The following SLC27A1 variants were observed in gnomAD, a reference collection of about 807,000 sequenced individuals.
The protein encoded by SLC27A1 is long-chain fatty acid transport protein 1.
A neutral mutation model predicts 62.2 loss-of-function variants in SLC27A1; 61 were observed. The ratio of observed to expected loss-of-function variants is 0.98; its 90% CI spans 0.80 to 1.21. The LOEUF is 1.21. SLC27A1 is among the 50% of genes most tolerant of loss of function. SLC27A1 has a pLI of 0.00. For missense variants in SLC27A1, 903 were observed against 932.1 expected (o/e 0.97, Z 0.41); for synonymous variants, 435 against 408.6 (o/e 1.06, Z -0.78).
chr19:17,487,454 C>A lies in SLC27A1; in HGVS notation c.725-6C>A. The A allele has an allele frequency of 6.2e-7, 1 of 1,607,372 alleles. No individual in the cohort carries two copies. The highest frequency in any genetic ancestry group is 1.1e-5 in the South Asian group (1 of 90,478). On this transcript the variant is annotated splice_region_variant and splice_polypyrimidine_tract_variant and intron_variant, in intron 3 of 11. Transcript: ENST00000252595. ...GCCCCACCCCTAACACCTGTATCTC[C>A]TGCAGATCGTCTTTTCTACATCTAC...
Position 17,501,403 on chromosome 19 carries a change from C to T in SLC27A1, c.1767C>T (p.Pro589=), listed in dbSNP as rs1216761587. ...GGCCCATCTTCCTGCGCCTCCTGCC[C>T]CAGGTGGACACCACAGGTGCGAGTC... ...YARPIFLRLL[P]QVDTTGTFKI... is the part of the protein sequence containing the mutation. Residue 589 remains proline, a synonymous_variant, in exon 11 of 12, where the codon CCC becomes CCT. Coordinates refer to ENST00000252595, the MANE Select transcript of SLC27A1 (RefSeq NM_198580.3). The T allele has an allele frequency of 1.2e-6, 2 of 1,613,406 alleles. No individual in the cohort carries two copies. The highest frequency in any genetic ancestry group is 1.7e-6 in the Non-Finnish European group (2 of 1,179,840).
intron 7 of SLC27A1, 111 bp from the exon 8 acceptor site, chr19:17,500,167 G>A (rs2075393684): frequency 6.7e-7 from 1 of 1,499,720 alleles, no homozygotes; most frequent in Admixed American, 2.2e-5. Context: ...ACAGAGCTTA[G>A]AATGACACTG....
intron 7 of SLC27A1, chr19:17,499,487 A>G (rs2075385763): frequency 6.6e-6 from 1 of 152,032 alleles, no homozygotes; most frequent in African/African-American, 2.4e-5. Context: ...TTATACTGGA[A>G]TGGCTCGTGC....
At chr19:17,482,256 C>T (rs140491184) in intron 1 of SLC27A1, among the ~76,000 whole-genome samples, 2,924 of 152,234 alleles carry the variant, frequency 0.019, 82 homozygotes, top group African/African-American at 0.062. Context: ...CAGTGGCTAA[C>T]GCCTGTAATC....
In SLC27A1 at chr19:17,505,409, G is replaced by A. The variant is rs2075468642; in HGVS notation, c.*797G>A. 1 of 156,362 alleles carries A rather than the reference G, an allele frequency of 6.4e-6. No individual in the cohort carries two copies. The highest frequency in any genetic ancestry group is 2.4e-5 in the African/African-American group (1 of 41,462). 9.7% of individuals were successfully genotyped at this position (156,362 alleles called of 1,614,324 possible). ...TGGGTTCCAGATGCTGCAGCTCCAT[G>A]TGACTTCCAAGCAGGCCCTCCGCCC... On this transcript the variant is annotated 3_prime_UTR_variant, in exon 12 of 12. Coordinates refer to ENST00000252595, the MANE Select transcript of SLC27A1 (RefSeq NM_198580.3).
At position 17,504,691 on chromosome 19, in the gene SLC27A1, G is replaced by A. The variant is rs1456212292; in HGVS notation, c.*79G>A. ...AGCCAGACAGCGCTGCCCAGGGGTG[G>A]CCGCCTAGTACACACCCACCTGGCC... is the stretch of plus-strand genomic sequence containing the variant. On this transcript the variant is annotated 3_prime_UTR_variant, in exon 12 of 12. Transcript: ENST00000252595. 1.3e-6 allele frequency: 2 copies of A among 1,576,740 alleles called. No homozygotes were observed. The highest frequency in any genetic ancestry group is 1.4e-5 in the African/African-American group (1 of 74,028).
rs1346344950 is a variant in SLC27A1 at position 17,501,346 on chromosome 19, G to A, written c.1710G>A (p.Gln570=). 6.2e-7 allele frequency: 1 copy of A among 1,613,928 alleles called. No individual in the cohort carries two copies. Among genetic ancestry groups the A allele is most frequent in the African/African-American group, 1.3e-5 (1 of 74,924 alleles). ...TGCTGGACCCCAACGCGATATACCAGGAGCTGCAGAAGGTGCTGGCACCCT... is the reference window on the plus strand; with the variant it reads ...TGCTGGACCCCAACGCGATATACCAAGAGCTGCAGAAGGTGCTGGCACCCT... ...HSLLDPNAIY[Q]ELQKVLAPYA... is the part of the protein sequence containing the mutation. The change falls in exon 11 of 12, where the codon CAG becomes CAA. Residue 570 remains glutamine (Q), a synonymous_variant. Transcript: ENST00000252595.
rs546863069 is a variant in SLC27A1 at position 17,488,794 on chromosome 19, C to T, written c.795-54C>T. Reference sequence around the variant, plus strand: ...GCAGCATGCTTCCCCATGCCTGTACCCTGGGGGATTTAGGTCCCAGCCTCT... The same window carrying T: ...GCAGCATGCTTCCCCATGCCTGTACTCTGGGGGATTTAGGTCCCAGCCTCT... On this transcript the variant is annotated intron_variant, in intron 4 of 11. Coordinates refer to ENST00000252595, the MANE Select transcript of SLC27A1 (RefSeq NM_198580.3). 115 of 1,528,874 alleles carry T rather than the reference C, an allele frequency of 7.5e-5. 1 individual carries two copies. In the East Asian group the frequency reaches 2.1e-3, roughly 28 times the overall value. The allele number at this position is 1,528,874 out of a possible 1,614,324, so 94.7% of individuals were successfully genotyped here. A position where few individuals can be genotyped will look rare whatever the true frequency, so the allele number is the denominator to read the frequency against.
chr19:17,492,997 C>G (rs1278629531), intron 6 of SLC27A1, among the ~76,000 whole-genome samples: 1 of 151,398 alleles, frequency 6.6e-6, no homozygotes, highest in Non-Finnish European at 1.5e-5. Flanking sequence ...GTGGTGGGCA[C>G]CTGTAGTCCC....
At position 17,491,434 on chromosome 19, in the gene SLC27A1, C is replaced by G. The variant is rs114221771; in HGVS notation, c.996+2317C>G. 2.4e-3 allele frequency among the ~76,000 whole-genome samples: 366 copies of G among 152,208 alleles called. 4 individuals are homozygous for G. The highest frequency in any genetic ancestry group is 7.6e-3 in the African/African-American group (317 of 41,526). Reference sequence around the variant, plus strand: ...ACTGTCGCCTTTTGTGTCTGGTAAGCATTGTTTTTAAGTGACAGTGATATC... The same window carrying G: ...ACTGTCGCCTTTTGTGTCTGGTAAGGATTGTTTTTAAGTGACAGTGATATC... On this transcript the variant is annotated intron_variant, in intron 6 of 11. Transcript: ENST00000252595.
Position 17,486,316 on chromosome 19 carries a change from C to T in SLC27A1, c.168-247C>T, listed in dbSNP as rs1195337013. ...CCCCAGCTCCCCCAGGGCCACCAAG[C>T]CAGCTGGGGTATGGGGGAGGACAGG... is the stretch of plus-strand genomic sequence containing the variant. On this transcript the variant is annotated intron_variant, in intron 1 of 11. Coordinates refer to ENST00000252595, the MANE Select transcript of SLC27A1 (RefSeq NM_198580.3). This position sits in a 1 kb window ranked among gnomAD's most constrained non-coding sequence, Gnocchi z 6.6. Among the ~76,000 whole-genome samples, 1 of 152,210 alleles carries T rather than the reference C, an allele frequency of 6.6e-6. No individual in the cohort carries two copies. The highest frequency in any genetic ancestry group is 1.5e-5 in the Non-Finnish European group (1 of 68,028).
upstream of SLC27A1, among the ~76,000 whole-genome samples, chr19:17,470,265 G>A (rs1187353933): frequency 6.6e-6 from 1 of 152,070 alleles, no homozygotes; most frequent in Non-Finnish European, 1.5e-5. Flanking sequence ...GCCTGGCCAG[G>A]ACCTGGCCAA....
intron 10 of SLC27A1, 151 bp downstream of exon 10, chr19:17,501,027 T>C: frequency 9.2e-7 from 1 of 1,085,600 alleles, no homozygotes; most frequent in Non-Finnish European, 1.3e-6. Flanking sequence ...TGGAGCCAGT[T>C]CACCTGGGTG....
chr19:17,472,562 C>T (rs1322956750), intron 1 of SLC27A1, among the ~76,000 whole-genome samples: 1 of 151,884 alleles, frequency 6.6e-6, no homozygotes, highest in Non-Finnish European at 1.5e-5. Flanking sequence ...AGTCTCACTC[C>T]GTCGCCCAGG....
chr19:17,469,709 A>T (rs891194785), upstream of SLC27A1, among the ~76,000 whole-genome samples: 3 of 151,620 alleles, frequency 2.0e-5, no homozygotes, highest in Non-Finnish European at 1.5e-5. Context: ...AGGAGGGAAG[A>T]GGGGCGGGGC....
intron 6 of SLC27A1, among the ~76,000 whole-genome samples, chr19:17,490,309 G>A (rs952724594): frequency 2.6e-5 from 4 of 151,786 alleles, no homozygotes; most frequent in Non-Finnish European, 4.4e-5. Flanking sequence ...GCACCACCAC[G>A]CCTGGCCCAC....
At chr19:17,479,760 C>T (rs1322684247) in intron 1 of SLC27A1, among the ~76,000 whole-genome samples, 2 of 152,060 alleles carry the variant, frequency 1.3e-5, no homozygotes, top group African/African-American at 4.8e-5. Flanking sequence ...TCTTGTGCCT[C>T]ACACTTTTGA....
rs778897727 is a variant in SLC27A1 at position 17,489,087 on chromosome 19, C to T, written c.966C>T (p.Phe322=). Residue 322 remains phenylalanine (F), a synonymous_variant, in exon 6 of 12, where the codon TTC becomes TTT. Coordinates refer to ENST00000252595, the MANE Select transcript of SLC27A1 (RefSeq NM_198580.3). ...GCAAGAAATTCTCGGCCAGCCGCTT[C>T]TGGGACGACTGCATCAAGTACAACT... is the stretch of plus-strand genomic sequence containing the variant. ...VLRKKFSASR[F]WDDCIKYNCT... The T allele has an allele frequency of 1.5e-5, 24 of 1,614,026 alleles. No homozygotes were observed. In the East Asian group the frequency reaches 3.8e-4, roughly 25 times the overall value.
At chr19:17,487,985 A>G (rs539751945) in intron 4 of SLC27A1, among the ~76,000 whole-genome samples, 81 of 151,950 alleles carry the variant, frequency 5.3e-4, no homozygotes, top group African/African-American at 1.9e-3. Flanking sequence ...TCCTGTCAGC[A>G]GCTACAGGAG....
Sources: allele counts gnomAD v4.1 joint callset (sites outside exome capture counted in the v4.1 genomes callset), GRCh38; gene constraint gnomAD v4.1.1; non-coding constraint Gnocchi (gnomAD v3.1); transcripts MANE v1.5; gene names NCBI Gene and HGNC (gene_info 2026-07-23, HGNC 2026-07-21).